PTPRD: variants seen among roughly 807,000 people sequenced by gnomAD.
The protein encoded by PTPRD is receptor-type tyrosine-protein phosphatase delta.
A neutral mutation model predicts 214.5 loss-of-function variants in PTPRD; 34 were observed. The observed-to-expected ratio is 0.16, with a 90% CI of 0.12 to 0.21. The LOEUF is 0.21. Among genes scored for constraint, PTPRD ranks in the 10% least tolerant of loss-of-function variants. The probability of loss-of-function intolerance (pLI) is 1.00; values close to 1 mark genes in which losing one functional copy is unlikely to be tolerated. For missense variants in PTPRD, 2,545 were observed against 2,398.7 expected, an observed-to-expected ratio of 1.06 and a Z score of -1.27; for synonymous variants, 1,128 against 845.7, an observed-to-expected ratio of 1.33 and a Z score of -5.79.
At chr9:8,333,565 G>A (rs561506749) in intron 43 of PTPRD, among the ~76,000 whole-genome samples, 1 of 152,200 alleles carries the variant, frequency 6.6e-6, no homozygotes, top group South Asian at 2.1e-4. Context: ...CACTAAACAT[G>A]GAAAGGAACA....
chr9:8,364,557 C>T (rs188449239), intron 39 of PTPRD, among the ~76,000 whole-genome samples: 169 of 152,320 alleles, frequency 1.1e-3, no homozygotes, highest in African/African-American at 3.8e-3. Flanking sequence ...AGCACTCCAA[C>T]GGGAGCGGCA....
intron 4 of PTPRD, among the ~76,000 whole-genome samples, chr9:10,025,940 A>G (rs904333605): frequency 5.9e-5 from 9 of 152,216 alleles, no homozygotes; most frequent in African/African-American, 1.9e-4. Context: ...CCAGGCAGGC[A>G]TGAACAGATC....
intron 9 of PTPRD, among the ~76,000 whole-genome samples, chr9:9,323,361 C>A (rs1424008988): frequency 6.6e-6 from 1 of 151,980 alleles, no homozygotes; most frequent in Non-Finnish European, 1.5e-5. Flanking sequence ...ATTCTTGAAC[C>A]AACCATGAGA....
intron 2 of PTPRD, among the ~76,000 whole-genome samples, chr9:10,551,846 G>A (rs2131129201): frequency 6.6e-6 from 1 of 152,214 alleles, no homozygotes; most frequent in Non-Finnish European, 1.5e-5. Context: ...AGTGAAAAAT[G>A]ACTTTACATT....
chr9:9,671,342 T>C (rs1299772590), intron 7 of PTPRD, among the ~76,000 whole-genome samples: 1 of 152,174 alleles, frequency 6.6e-6, no homozygotes, highest in Non-Finnish European at 1.5e-5. Flanking sequence ...ATCTGGGAAG[T>C]AACTAGCTTG....
At chr9:9,672,558 A>G (rs987225614) in intron 7 of PTPRD, among the ~76,000 whole-genome samples, 7 of 152,272 alleles carry the variant, frequency 4.6e-5, no homozygotes, top group Admixed American at 1.3e-4. Context: ...TGGAATTCCC[A>G]ACCAATTTAA....
chr9:10,538,687 G>A (rs1334069447), intron 2 of PTPRD, among the ~76,000 whole-genome samples: 3 of 152,078 alleles, frequency 2.0e-5, no homozygotes, highest in East Asian at 1.9e-4. Context: ...ATTCTTTCAA[G>A]TTGTTAATCC....
intron 36 of PTPRD, among the ~76,000 whole-genome samples, chr9:8,400,918 C>T (rs1034385588): frequency 6.6e-6 from 1 of 152,154 alleles, no homozygotes; most frequent in African/African-American, 2.4e-5. Context: ...GAGATTACCA[C>T]TAAGAAAACT....
chr9:9,473,870 T>C (rs1364003099), intron 8 of PTPRD, among the ~76,000 whole-genome samples: 1 of 152,016 alleles, frequency 6.6e-6, no homozygotes, highest in Non-Finnish European at 1.5e-5. Context: ...TCTGGATATT[T>C]AGTCCTTTGT....
chr9:9,100,780 G>C (rs994204909), intron 10 of PTPRD, among the ~76,000 whole-genome samples: 34 of 151,964 alleles, frequency 2.2e-4, no homozygotes, highest in African/African-American at 7.5e-4. Flanking sequence ...TTAGAATCTA[G>C]ATATAAAAAT....
At chr9:10,011,786 G>C (rs766852970) in intron 4 of PTPRD, among the ~76,000 whole-genome samples, 1 of 151,884 alleles carries the variant, frequency 6.6e-6, no homozygotes, top group Non-Finnish European at 1.5e-5. Context: ...ACATTAATTT[G>C]AATTTAGAGA....
chr9:9,671,914 T>C (rs942939258), intron 7 of PTPRD, among the ~76,000 whole-genome samples: 4 of 152,180 alleles, frequency 2.6e-5, no homozygotes, highest in Admixed American at 6.5e-5. Flanking sequence ...AACATTCCTG[T>C]ATAAACATCC....
chr9:9,531,701 A>G (rs953639143), intron 8 of PTPRD, among the ~76,000 whole-genome samples: 3 of 152,062 alleles, frequency 2.0e-5, no homozygotes, highest in African/African-American at 7.2e-5. Flanking sequence ...GCTTTGGGGT[A>G]TTGAAAATAG....
chr9:9,582,740 T>A (rs528233564), intron 7 of PTPRD, among the ~76,000 whole-genome samples: 16 of 152,220 alleles, frequency 1.1e-4, no homozygotes, highest in African/African-American at 3.8e-4. Flanking sequence ...TTGTGTGGTA[T>A]ATTCTTCTGG....
chr9:8,473,208 A>C (rs188635783), intron 30 of PTPRD, among the ~76,000 whole-genome samples: 133 of 152,310 alleles, frequency 8.7e-4, no homozygotes, highest in Non-Finnish European at 1.4e-3. Context: ...CTGAGCAACT[A>C]ATCAACAGAT....
intron 2 of PTPRD, among the ~76,000 whole-genome samples, chr9:10,373,412 G>A (rs990491235): frequency 3.9e-5 from 6 of 151,942 alleles, no homozygotes; most frequent in African/African-American, 1.4e-4. Flanking sequence ...TTTTGTATTT[G>A]AATACAACTT....
At chr9:9,793,962 T>G (rs1030030206) in intron 5 of PTPRD, among the ~76,000 whole-genome samples, 1 of 151,942 alleles carries the variant, frequency 6.6e-6, no homozygotes, top group African/African-American at 2.4e-5. Context: ...TGAAGAATAA[T>G]CAAAAGGAGT....
intron 12 of PTPRD, among the ~76,000 whole-genome samples, chr9:8,732,423 AAAT>A (rs1458590986): frequency 6.6e-6 from 1 of 152,236 alleles, no homozygotes; most frequent in African/African-American, 2.4e-5. Context: ...AGCCAAACAA[AAAT>A]AATAAAACCA....
chr9:8,947,848 A>T (rs1233243400), intron 11 of PTPRD, among the ~76,000 whole-genome samples: 3 of 152,140 alleles, frequency 2.0e-5, no homozygotes, highest in Non-Finnish European at 2.9e-5. Flanking sequence ...ATGAAACAAA[A>T]TGTGCCAGAC....
Sources: gnomAD v4.1 joint callset for allele counts (sites outside exome capture counted in the v4.1 genomes callset) on GRCh38, gnomAD v4.1.1 for gene constraint, MANE v1.5 for transcripts, NCBI Gene and HGNC (gene_info 2026-07-23, HGNC 2026-07-21) for gene names.